Variants in GALNT17 observed in about 807,000 individuals in gnomAD.
GALNT17 encodes the protein polypeptide N-acetylgalactosaminyltransferase 17, also known as UDP-GalNAc:polypeptide N-acetylgalactosaminyltransferase-like 3.
In GALNT17, 29 loss-of-function variants were observed where a neutral mutation model predicts 63.7. The ratio of observed to expected loss-of-function variants is 0.46; its 90% CI spans 0.34 to 0.62. The LOEUF is 0.62. Ranked by LOEUF, GALNT17 falls within the 20% of genes least tolerant of loss-of-function variation. The pLI is 0.01. For missense variants in GALNT17, 603 were observed against 799.6 expected (o/e 0.75, Z 2.97); for synonymous variants, 305 against 318.3 (o/e 0.96, Z 0.45).
At chr7:71,643,836 C>T (rs1417593485) in intron 6 of GALNT17, among the ~76,000 whole-genome samples, 3 of 152,154 alleles carry the variant, frequency 2.0e-5, no homozygotes, top group Non-Finnish European at 4.4e-5. Flanking sequence ...TTTAAAAGAC[C>T]ATTTCCCTTT....
chr7:71,411,446 A>T (rs1393260298), intron 3 of GALNT17, among the ~76,000 whole-genome samples: 2 of 152,118 alleles, frequency 1.3e-5, no homozygotes, highest in African/African-American at 4.8e-5. Flanking sequence ...AACCAGTGTC[A>T]GGTTGGGGAT....
chr7:71,499,459 G>A, intron 5 of GALNT17, among the ~76,000 whole-genome samples: 1 of 152,164 alleles, frequency 6.6e-6, no homozygotes, highest in Non-Finnish European at 1.5e-5. Flanking sequence ...AGACATTATT[G>A]TAAGTGGGAG....
At chr7:71,369,743 C>T (rs562190427) in intron 2 of GALNT17, among the ~76,000 whole-genome samples, 12 of 133,208 alleles carry the variant, frequency 9.0e-5, no homozygotes, top group Admixed American at 1.8e-4. Flanking sequence ...AACCCAGAGG[C>T]GGAGGTTGCA....
intron 2 of GALNT17, among the ~76,000 whole-genome samples, chr7:71,369,907 C>T (rs910727981): frequency 1.1e-4 from 16 of 150,442 alleles, no homozygotes; most frequent in East Asian, 3.9e-4. Flanking sequence ...TTCTACAGGA[C>T]GTTCAAAAGC....
chr7:71,171,149 C>T (rs1211836282), intron 1 of GALNT17, among the ~76,000 whole-genome samples: 1 of 152,158 alleles, frequency 6.6e-6, no homozygotes, highest in African/African-American at 2.4e-5. Flanking sequence ...TCCAATTACT[C>T]AAAAGTGGAT....
At chr7:71,196,074 C>T (rs759058596) in intron 1 of GALNT17, among the ~76,000 whole-genome samples, 10 of 152,152 alleles carry the variant, frequency 6.6e-5, no homozygotes, top group Non-Finnish European at 1.3e-4. Context: ...CACGCAGTCT[C>T]CTCCAGACCT....
At position 71,388,421 on chromosome 7, in the gene GALNT17, G is replaced by A; in HGVS notation, c.589+20G>A. 6.2e-7 allele frequency: 1 copy of A among 1,607,880 alleles called. No individual in the cohort carries two copies. The highest frequency in any genetic ancestry group is 1.1e-5 in the South Asian group (1 of 90,206). On this transcript the variant is annotated intron_variant, in intron 3 of 10. Transcript: ENST00000333538. ...ACGAAGGTACAGGGGTGGCTGACCT[G>A]TGCACAGGACATGATGACAGCAGGG...
chr7:71,451,696 C>G (rs1787265580), intron 5 of GALNT17, among the ~76,000 whole-genome samples: 1 of 151,898 alleles, frequency 6.6e-6, no homozygotes, highest in Non-Finnish European at 1.5e-5. Context: ...ATGTATTTCC[C>G]TCAAGTATGG....
chr7:71,702,873 T>C (rs1470350548), intron 9 of GALNT17, among the ~76,000 whole-genome samples: 1 of 152,176 alleles, frequency 6.6e-6, no homozygotes, highest in Non-Finnish European at 1.5e-5. Context: ...GGAGTTATCA[T>C]TACCAAGAAG....
At chr7:71,212,520 A>G (rs1789400395) in intron 1 of GALNT17, among the ~76,000 whole-genome samples, 1 of 152,196 alleles carries the variant, frequency 6.6e-6, no homozygotes, top group African/African-American at 2.4e-5. Context: ...GAAGAGGGCC[A>G]CCGTCCACCA....
intron 1 of GALNT17, among the ~76,000 whole-genome samples, chr7:71,288,583 GT>G (rs1471178206): frequency 6.6e-6 from 1 of 152,178 alleles, no homozygotes; most frequent in African/African-American, 2.4e-5. Context: ...TTTCAGAGGT[GT>G]TTGAACATCC....
chr7:71,152,565 C>T (rs896176839), intron 1 of GALNT17, among the ~76,000 whole-genome samples: 6 of 152,094 alleles, frequency 3.9e-5, no homozygotes, highest in African/African-American at 1.4e-4. Context: ...ATCCGCAGCC[C>T]CGGGGGATCC....
chr7:71,589,858 A>G (rs1211502881), intron 6 of GALNT17, among the ~76,000 whole-genome samples: 1 of 152,194 alleles, frequency 6.6e-6, no homozygotes, highest in Non-Finnish European at 1.5e-5. Context: ...ATTCATCCAT[A>G]TAACTTTATT....
intron 3 of GALNT17, among the ~76,000 whole-genome samples, chr7:71,391,630 G>A (rs1224778090): frequency 6.6e-6 from 1 of 152,064 alleles, no homozygotes; most frequent in African/African-American, 2.4e-5. Context: ...CCACAGGCAT[G>A]TGCCATCATG....
chr7:71,380,002 T>C (rs1318781447), intron 2 of GALNT17, among the ~76,000 whole-genome samples: 2 of 151,944 alleles, frequency 1.3e-5, no homozygotes, highest in African/African-American at 4.8e-5. Context: ...AAAGCCCAGA[T>C]AGGAATGGGG....
At chr7:71,627,279 G>A (rs2116982109) in intron 6 of GALNT17, among the ~76,000 whole-genome samples, 1 of 152,230 alleles carries the variant, frequency 6.6e-6, no homozygotes. Context: ...TCTGCAGATG[G>A]GTTTGCTATG....
intron 5 of GALNT17, among the ~76,000 whole-genome samples, chr7:71,493,632 C>T (rs2116679698): frequency 6.6e-6 from 1 of 152,164 alleles, no homozygotes; most frequent in South Asian, 2.1e-4. Flanking sequence ...GGGAAACCAC[C>T]CCTATGATCC....
At chr7:71,202,839 G>T (rs1789199803) in intron 1 of GALNT17, among the ~76,000 whole-genome samples, 1 of 152,124 alleles carries the variant, frequency 6.6e-6, no homozygotes, top group African/African-American at 2.4e-5. Flanking sequence ...GACTTTTTTA[G>T]ATTCCACATA....
intron 1 of GALNT17, among the ~76,000 whole-genome samples, chr7:71,328,967 C>T (rs1190628242): frequency 1.3e-5 from 2 of 152,040 alleles, no homozygotes; most frequent in African/African-American, 4.8e-5. Flanking sequence ...GGAAAGGCTG[C>T]CCAGGGGGTT....
Sources: gnomAD v4.1 joint callset for allele counts (sites outside exome capture counted in the v4.1 genomes callset) on GRCh38, gnomAD v4.1.1 for gene constraint, MANE v1.5 for transcripts, NCBI Gene and HGNC (gene_info 2026-07-23, HGNC 2026-07-21) for gene names.